The following TFCP2 variants were observed in gnomAD, a reference collection of about 807,000 sequenced individuals.
TFCP2 encodes the protein alpha-globin transcription factor CP2.
Under a neutral mutation model 73.4 loss-of-function variants are expected in TFCP2, and 33 were observed. The observed-to-expected ratio is 0.45, with a 90% confidence interval of 0.34 to 0.60. TFCP2 has a LOEUF of 0.60. Among genes scored for constraint, TFCP2 ranks in the 20% least tolerant of loss-of-function variants. The probability of loss-of-function intolerance (pLI) is 0.01; values close to 1 mark genes in which losing one functional copy is unlikely to be tolerated. For synonymous variants in TFCP2, 193 were observed against 211.6 expected, an observed-to-expected ratio of 0.91 and a Z score of 0.76; for missense variants, 352 against 604.0, an observed-to-expected ratio of 0.58 and a Z score of 4.37.
At chr12:51,131,969 C>T (rs1379011799) in intron 1 of TFCP2, among the ~76,000 whole-genome samples, 1 of 152,092 alleles carries the variant, frequency 6.6e-6, no homozygotes, top group East Asian at 1.9e-4. Context: ...CTCACTTCTC[C>T]CTAACCAATT....
chr12:51,157,155 ACAGGCATGTGC>A (rs1941553614), intron 1 of TFCP2, among the ~76,000 whole-genome samples: 1 of 152,010 alleles, frequency 6.6e-6, no homozygotes, highest in African/African-American at 2.4e-5. Flanking sequence ...AGCTAGGATT[ACAGGCATGTGC>A]CACTACGGCC....
At chr12:51,135,614 C>T (rs1422128410) in intron 1 of TFCP2, among the ~76,000 whole-genome samples, 1 of 152,138 alleles carries the variant, frequency 6.6e-6, no homozygotes, top group Non-Finnish European at 1.5e-5. Context: ...ACATCAGAAT[C>T]ACCTGGGGAG....
chr12:51,112,326 CCTT>C (rs1468628331), intron 4 of TFCP2, among the ~76,000 whole-genome samples: 1 of 152,052 alleles, frequency 6.6e-6, no homozygotes, highest in Admixed American at 6.6e-5. Flanking sequence ...TTAGTATCCT[CCTT>C]CTAGCTTAAA....
intron 4 of TFCP2, among the ~76,000 whole-genome samples, chr12:51,112,994 A>G (rs1940438968): frequency 6.6e-6 from 1 of 152,154 alleles, no homozygotes; most frequent in Non-Finnish European, 1.5e-5. Context: ...TTTTCTTTCC[A>G]TTCCACACAG....
At chr12:51,151,500 G>A (rs1277862937) in intron 1 of TFCP2, among the ~76,000 whole-genome samples, 4 of 151,856 alleles carry the variant, frequency 2.6e-5, no homozygotes, top group African/African-American at 7.2e-5. Flanking sequence ...GCAGTGGCGC[G>A]ATCTCGGCTC....
chr12:51,172,574 G>A lies in TFCP2; in HGVS notation c.-152C>T, dbSNP rs1941884854. 1.7e-5 allele frequency: 16 copies of A among 968,670 alleles called. No individual in the cohort carries two copies. The South Asian group carries it at 2.4e-4, about 14-fold the overall frequency. The allele number at this position is 968,670 out of a possible 1,614,324, so 60.0% of individuals were successfully genotyped here. A position where few individuals can be genotyped will look rare whatever the true frequency, so the allele number is the denominator to read the frequency against. ...GCCACCCCCAAGCCCGACCAGCACTGCTCTGTGCACAACTAATCTCCCGTA... is the reference window on the plus strand; with the variant it reads ...GCCACCCCCAAGCCCGACCAGCACTACTCTGTGCACAACTAATCTCCCGTA... On this transcript the variant is annotated 5_prime_UTR_variant, in exon 1 of 15. Transcript: ENST00000257915.
rs1940269685 is a variant in TFCP2 at position 51,107,220 on chromosome 12, A to G, written c.828+16T>C. On this transcript the variant is annotated intron_variant, in intron 7 of 14. Coordinates refer to ENST00000257915, the MANE Select transcript of TFCP2 (RefSeq NM_005653.5). ...AAATTATGAACTGAAATTGTCACCA[A>G]AAGAAATCTTTTTACCTCTGTGAGT... is the stretch of plus-strand genomic sequence containing the variant. 2 of 1,571,034 alleles carry G rather than the reference A, an allele frequency of 1.3e-6. No individual in the cohort carries two copies. The highest frequency in any genetic ancestry group is 1.4e-5 in the African/African-American group (1 of 72,584).
chr12:51,095,473 A>G (rs1773393591), intron 14 of TFCP2, among the ~76,000 whole-genome samples, 195 bp from the exon 15 acceptor site: 1 of 151,914 alleles, frequency 6.6e-6, no homozygotes, highest in Admixed American at 6.6e-5. Flanking sequence ...GCATTATAAA[A>G]ACAACATGCC....
chr12:51,127,100 A>G (rs1487126813), intron 1 of TFCP2, among the ~76,000 whole-genome samples: 1 of 152,226 alleles, frequency 6.6e-6, no homozygotes, highest in Non-Finnish European at 1.5e-5. Flanking sequence ...AATGAGTAGA[A>G]TTATAATTTG....
At chr12:51,170,973 C>T (rs1191043088) in intron 1 of TFCP2, among the ~76,000 whole-genome samples, 2 of 152,120 alleles carry the variant, frequency 1.3e-5, no homozygotes, top group South Asian at 2.1e-4. Flanking sequence ...CCACCGTGCC[C>T]GGCCTGAAGT....
intron 1 of TFCP2, among the ~76,000 whole-genome samples, chr12:51,133,323 T>A (rs1940993211): frequency 6.6e-6 from 1 of 152,226 alleles, no homozygotes; most frequent in South Asian, 2.1e-4. Context: ...CTCTTTTTTT[T>A]TTCAGACGGT....
intron 1 of TFCP2, among the ~76,000 whole-genome samples, chr12:51,147,124 C>T (rs1160647963): frequency 6.6e-6 from 1 of 152,174 alleles, no homozygotes; most frequent in Non-Finnish European, 1.5e-5. Flanking sequence ...AGGCAGATCA[C>T]CTGAGGTCGG....
chr12:51,143,672 A>G (rs887382931), intron 1 of TFCP2, among the ~76,000 whole-genome samples: 1 of 152,162 alleles, frequency 6.6e-6, no homozygotes. Flanking sequence ...TTTAAAGAGA[A>G]GCATGGAGGT....
intron 13 of TFCP2, among the ~76,000 whole-genome samples, chr12:51,097,708 G>A (rs1396474965): frequency 6.6e-6 from 1 of 151,944 alleles, no homozygotes; most frequent in Non-Finnish European, 1.5e-5. Context: ...AAAGATGTTT[G>A]TGCATAAAAA....
chr12:51,145,567 CAAAAAAAAA>C (rs59778550), intron 1 of TFCP2, among the ~76,000 whole-genome samples: 13 of 49,152 alleles, frequency 2.6e-4, no homozygotes, highest in South Asian at 1.5e-3. Context: ...AAGACTATCT[CAAAAAAAAA>C]AAAAAAAAAA....
chr12:51,104,697 T>C (rs2136965436), intron 8 of TFCP2, among the ~76,000 whole-genome samples: 1 of 150,098 alleles, frequency 6.7e-6, no homozygotes, highest in South Asian at 2.1e-4. Flanking sequence ...ATCACACAGA[T>C]TTAAAATAAA....
rs375865540 is a variant in TFCP2, at chr12:51,117,654, T to C, written c.351+17A>G. 5 of 1,589,622 alleles carry C rather than the reference T, an allele frequency of 3.1e-6. No homozygotes were observed. In the African/African-American group the frequency reaches 6.7e-5, roughly 21 times the overall value. On this transcript the variant is annotated intron_variant, in intron 3 of 14. Transcript: ENST00000257915. ...TAGTAAAAAATATTGTACAGAAGAA[T>C]GATTTATTCGTTTTACCTTCACCAA...
chr12:51,149,035 A>AAAAAAAAAAAAAC (rs1226409510), intron 1 of TFCP2, among the ~76,000 whole-genome samples: 1 of 148,970 alleles, frequency 6.7e-6, no homozygotes, highest in Admixed American at 6.7e-5. Context: ...AAAAAAAAAA[A>AAAAAAAAAAAAAC]AAAAAACAGA....
chr12:51,117,590 C>G, intron 3 of TFCP2, 81 bp downstream of exon 3: 1 of 1,138,326 alleles, frequency 8.8e-7, no homozygotes. Flanking sequence ...AGCAAAAGAA[C>G]ATTAACAACA....
Sources: gnomAD v4.1 joint callset for allele counts (sites outside exome capture counted in the v4.1 genomes callset) on GRCh38, gnomAD v4.1.1 for gene constraint, MANE v1.5 for transcripts, NCBI Gene and HGNC (gene_info 2026-07-23, HGNC 2026-07-21) for gene names.